The following MTRR variants were observed in gnomAD, a reference collection of about 807,000 sequenced individuals.
The protein encoded by MTRR is methionine synthase reductase.
A neutral mutation model predicts 79.2 loss-of-function variants in MTRR; 63 were observed. That is an observed-to-expected ratio of 0.80 (90% confidence interval 0.65 to 0.98). MTRR has a LOEUF of 0.98. Ranked by LOEUF, MTRR falls within the 50% of genes least tolerant of loss-of-function variation. MTRR has a pLI of 0.00. For synonymous variants in MTRR, 355 were observed against 313.3 expected, an observed-to-expected ratio of 1.13 and a Z score of -1.41; for missense variants, 895 against 839.6, an observed-to-expected ratio of 1.07 and a Z score of -0.82.
At chr5:7,866,601 C>A, upstream of MTRR, 2 of 1,422,544 alleles carry the variant, frequency 1.4e-6, no homozygotes, top group South Asian at 2.8e-5. Flanking sequence ...ACTGCCAGTT[C>A]AAAGGTTACT....
At chr5:7,870,434 TC>T in intron 1 of MTRR, 1 of 344,188 alleles carries the variant, frequency 2.9e-6, no homozygotes, top group South Asian at 2.5e-5. Context: ...GTGGTAATAC[TC>T]TCATTTTTAG....
intron 5 of MTRR, among the ~76,000 whole-genome samples, chr5:7,881,798 G>A (rs1735645296): frequency 6.6e-6 from 1 of 152,048 alleles, no homozygotes; most frequent in South Asian, 2.1e-4. Flanking sequence ...AGCCCCCCAA[G>A]TCCCACCAGT....
intron 1 of MTRR, among the ~76,000 whole-genome samples, chr5:7,856,044 A>AAATTTAATG (rs1361135490): frequency 6.6e-6 from 1 of 152,148 alleles, no homozygotes; most frequent in Non-Finnish European, 1.5e-5. Context: ...AATTTAGGTA[A>AAATTTAATG]AATTTAATGA....
intron 1 of MTRR, chr5:7,861,638 A>G: frequency 6.2e-7 from 1 of 1,608,726 alleles, no homozygotes; most frequent in South Asian, 1.1e-5. Flanking sequence ...TCTTCATCTA[A>G]TTTAATTTCA....
Position 7,889,244 on chromosome 5 carries a change from T to C in MTRR, c.1296T>C (p.Pro432=). 2 of 1,613,050 alleles carry C rather than the reference T, an allele frequency of 1.2e-6. No individual in the cohort carries two copies. Among genetic ancestry groups the C allele is most frequent in the Non-Finnish European group, 1.7e-6 (2 of 1,180,010 alleles). The change falls in exon 9 of 15, where the codon CCT becomes CCC. Residue 432 remains proline (P), a synonymous_variant. Coordinates refer to ENST00000440940, the MANE Select transcript of MTRR (RefSeq NM_002454.3). The stretch of plus-strand genomic sequence containing the variant: ...TGTTGGATCTCCTCCTCGCTTTCCC[T>C]TCTTGCCAGCCACCACTCAGTCTCC... ...ACLLDLLLAF[P]SCQPPLSLLL...
At chr5:7,892,163 A>G (rs2126790174) in intron 10 of MTRR, among the ~76,000 whole-genome samples, 1 of 152,360 alleles carries the variant, frequency 6.6e-6, no homozygotes, top group South Asian at 2.1e-4. Flanking sequence ...TTTCAGTAAT[A>G]ATACAAGAAG....
chr5:7,880,122 G>T (rs142161492), intron 5 of MTRR, among the ~76,000 whole-genome samples: 2 of 150,172 alleles, frequency 1.3e-5, no homozygotes, highest in African/African-American at 4.8e-5. Flanking sequence ...GGCACTGCAG[G>T]CCCTTTAATT....
upstream of MTRR, chr5:7,850,879 G>C (rs773309943): frequency 4.5e-6 from 6 of 1,325,942 alleles, no homozygotes; most frequent in South Asian, 1.4e-4. Context: ...CCTCACCCGC[G>C]CCGGGCGGTA....
rs1579517228 is a variant in MTRR at position 7,856,235 on chromosome 5, C to T, written n.391+4650C>T. Among the ~76,000 whole-genome samples, 3 of 152,298 alleles carry T rather than the reference C, an allele frequency of 2.0e-5. 1 individual carries two copies. In the South Asian group the frequency reaches 6.2e-4, roughly 32 times the overall value. ...ATATTGAAGCTACTTCTCCATTGGT[C>T]AGATTGGCCCATGTGGCTCAGCTCA... is the stretch of plus-strand genomic sequence containing the variant. On this transcript the variant is annotated intron_variant and non_coding_transcript_variant, in intron 1 of 3. Coordinates refer to the MTRR transcript ENST00000502509.
At chr5:7,873,648 G>A in intron 3 of MTRR, 122 bp downstream of exon 3, 5 of 1,077,850 alleles carry the variant, frequency 4.6e-6, no homozygotes, top group Non-Finnish European at 6.9e-6. Context: ...TAAATATTAT[G>A]TATATGTATA....
intron 1 of MTRR, chr5:7,861,333 T>C: frequency 1.1e-6 from 1 of 875,178 alleles, no homozygotes. Flanking sequence ...TATATTTTAG[T>C]TGCCAAAGTT....
At chr5:7,869,946 G>A (rs1747624673) in intron 1 of MTRR, 1 of 730,454 alleles carries the variant, frequency 1.4e-6, no homozygotes, top group Non-Finnish European at 1.7e-6. Flanking sequence ...GCCGTTCTGG[G>A]CGGTTCATTC....
intron 3 of MTRR, 123 bp from the exon 4 acceptor site, chr5:7,875,127 GTGAAGCTC>G (rs1467724627): frequency 2.7e-6 from 2 of 731,312 alleles, no homozygotes; most frequent in African/African-American, 3.5e-5. Flanking sequence ...AAAATAAAAT[GTGAAGCTC>G]TGCATTATTA....
chr5:7,863,675 T>A (rs1466360520), intron 2 of MTRR, among the ~76,000 whole-genome samples: 1 of 152,172 alleles, frequency 6.6e-6, no homozygotes, highest in Non-Finnish European at 1.5e-5. Flanking sequence ...GATAGCAATA[T>A]AATAAACGAT....
chr5:7,884,258 A>G (rs962768800), intron 6 of MTRR, among the ~76,000 whole-genome samples: 2 of 152,210 alleles, frequency 1.3e-5, no homozygotes, highest in African/African-American at 4.8e-5. Context: ...GAATCTGGAA[A>G]AAATTATGGA....
At position 7,873,393 on chromosome 5, in the gene MTRR, A is replaced by C; in HGVS notation, c.150A>C (p.Thr50=). 6.2e-7 allele frequency: 1 copy of C among 1,614,168 alleles called. No homozygotes were observed. The highest frequency in any genetic ancestry group is 1.1e-5 in the South Asian group (1 of 91,080). The change falls in exon 3 of 15, where the codon ACA becomes ACC. Residue 50 remains threonine, a synonymous_variant. Transcript: ENST00000440940. ...ESDKYDLKTE[T]APLVVVVSTT... is the part of the protein sequence containing the mutation. ...TGTAGTATGACCTAAAAACCGAAAC[A>C]GCTCCTCTTGTTGTTGTGGTTTCTA... is the stretch of plus-strand genomic sequence containing the variant.
chr5:7,887,790 G>GTGCATA (rs1388823296), intron 8 of MTRR, among the ~76,000 whole-genome samples: 1 of 63,560 alleles, frequency 1.6e-5, no homozygotes, highest in Non-Finnish European at 2.6e-5. Context: ...GTGTGTGTGT[G>GTGCATA]TGCATATATA....
intron 1 of MTRR, among the ~76,000 whole-genome samples, chr5:7,856,028 G>T (rs529976947): frequency 3.7e-4 from 56 of 152,282 alleles, no homozygotes; most frequent in African/African-American, 1.3e-3. Context: ...GATTTGGGGA[G>T]GGGTGAATTT....
chr5:7,894,649 T>C (rs1436887556), intron 11 of MTRR, among the ~76,000 whole-genome samples: 1 of 152,368 alleles, frequency 6.6e-6, no homozygotes, highest in East Asian at 1.9e-4. Context: ...TTCTTTGACA[T>C]TGGTGTTTGA....
Sources: allele counts gnomAD v4.1 joint callset (sites outside exome capture counted in the v4.1 genomes callset), GRCh38; gene constraint gnomAD v4.1.1; transcripts MANE v1.5; gene names NCBI Gene and HGNC (gene_info 2026-07-23, HGNC 2026-07-21).